ASAH2: variants seen among roughly 807,000 people sequenced by gnomAD.
ASAH2 encodes N-acylsphingosine amidohydrolase 2, also known as neutral ceramidase.
A neutral mutation model predicts 82.9 loss-of-function variants in ASAH2; 58 were observed. The observed-to-expected ratio is 0.70, with a 90% confidence interval of 0.57 to 0.87. ASAH2 has a LOEUF of 0.87. Among genes scored for constraint, ASAH2 ranks in the 40% least tolerant of loss-of-function variants. The pLI, the probability that ASAH2 is intolerant of heterozygous loss-of-function variation, is 0.00. For synonymous variants in ASAH2, 276 were observed against 289.7 expected, an observed-to-expected ratio of 0.95 and a Z score of 0.48; for missense variants, 779 against 834.0, an observed-to-expected ratio of 0.93 and a Z score of 0.81.
At chr10:50,213,579 A>G (rs1845518519) in intron 9 of ASAH2, among the ~76,000 whole-genome samples, 1 of 152,178 alleles carries the variant, frequency 6.6e-6, no homozygotes, top group Non-Finnish European at 1.5e-5. Flanking sequence ...GTGGAATCAA[A>G]AAATTACTAA....
intron 16 of ASAH2, among the ~76,000 whole-genome samples, chr10:50,201,701 A>G (rs1845153668): frequency 6.6e-6 from 1 of 152,136 alleles, no homozygotes; most frequent in Non-Finnish European, 1.5e-5. Context: ...TAATGTTTCT[A>G]AAGGTGTAAA....
At chr10:50,218,405 A>G in intron 8 of ASAH2, 105 bp downstream of exon 8, 3 of 1,494,886 alleles carry the variant, frequency 2.0e-6, no homozygotes, top group East Asian at 2.3e-5. Context: ...TGTGAGATTG[A>G]TGATGACACT....
intron 4 of ASAH2, chr10:50,240,536 C>A: frequency 1.4e-6 from 1 of 702,286 alleles, no homozygotes; most frequent in Non-Finnish European, 2.6e-6. Flanking sequence ...CAGAAGATTT[C>A]TCAGAGTCCA....
chr10:50,236,359 G>A (rs1846158797), intron 4 of ASAH2, among the ~76,000 whole-genome samples: 1 of 152,048 alleles, frequency 6.6e-6, no homozygotes, highest in Non-Finnish European at 1.5e-5. Context: ...AGAGTGAAAG[G>A]GGGGAAAGCC....
At chr10:50,202,781 C>T in intron 16 of ASAH2, 48 bp downstream of exon 16, 1 of 1,253,922 alleles carries the variant, frequency 8.0e-7, no homozygotes, top group Non-Finnish European at 1.2e-6. Context: ...ACACAATAGT[C>T]TTTACTGGGG....
At chr10:50,245,539 G>T in intron 2 of ASAH2, 85 bp from the exon 3 acceptor site, 1 of 1,205,536 alleles carries the variant, frequency 8.3e-7, no homozygotes, top group Non-Finnish European at 1.2e-6. Context: ...ATAGGCTCAG[G>T]TTCATAAGGA....
chr10:50,199,913 C>T (rs1412273925), intron 16 of ASAH2, among the ~76,000 whole-genome samples: 57 of 150,812 alleles, frequency 3.8e-4, no homozygotes, highest in Middle Eastern at 3.4e-3. Context: ...TCATTTCTCA[C>T]CCAGATCTCT....
intron 2 of ASAH2, among the ~76,000 whole-genome samples, chr10:50,246,011 A>G (rs1168350580): frequency 6.6e-6 from 1 of 152,170 alleles, no homozygotes; most frequent in Non-Finnish European, 1.5e-5. Context: ...AGATCACTGT[A>G]TACATGTTGA....
At chr10:50,218,450 C>T (rs1845665629) in intron 8 of ASAH2, 60 bp downstream of exon 8, 16 of 1,609,766 alleles carry the variant, frequency 9.9e-6, no homozygotes, top group Non-Finnish European at 1.3e-5. Context: ...CTTCTGAATG[C>T]AGCATGAATG....
intron 8 of ASAH2, among the ~76,000 whole-genome samples, chr10:50,218,195 G>A (rs907040364): frequency 3.3e-5 from 5 of 152,098 alleles, no homozygotes; most frequent in Admixed American, 2.0e-4. Context: ...AATATCAACA[G>A]TTTGTCATAT....
chr10:50,195,658 G>A lies in ASAH2; in HGVS notation c.2004+1115C>T, dbSNP rs1844956332. 6.6e-5 allele frequency among the ~76,000 whole-genome samples: 10 copies of A among 151,920 alleles called. No homozygotes were observed. The South Asian group carries it at 2.1e-3, about 32-fold the overall frequency. ...GAAACAACCTAAGTGTTCATCAATG[G>A]ATGAATGGATAAAGAAAATGTAGTA... On this transcript the variant is annotated intron_variant, in intron 18 of 20. Coordinates refer to ENST00000682911, the MANE Select transcript of ASAH2 (RefSeq NM_019893.4).
At chr10:50,239,861 A>T (rs1385991096) in intron 4 of ASAH2, among the ~76,000 whole-genome samples, 1 of 123,830 alleles carries the variant, frequency 8.1e-6, no homozygotes, top group Non-Finnish European at 1.6e-5. Flanking sequence ...TCAGAGTCTC[A>T]CTCTGTCACC....
At chr10:50,206,497 C>T (rs1845300181) in intron 12 of ASAH2, among the ~76,000 whole-genome samples, 1 of 149,522 alleles carries the variant, frequency 6.7e-6, no homozygotes, top group Non-Finnish European at 1.5e-5. Flanking sequence ...AGTTGTCTGA[C>T]TTATGGTCCC....
Position 50,211,151 on chromosome 10 carries a change from C to G in ASAH2, c.1228-17G>C. The G allele has an allele frequency of 6.3e-7, 1 of 1,575,744 alleles. No individual in the cohort carries two copies. Among genetic ancestry groups the G allele is most frequent in the Non-Finnish European group, 8.7e-7 (1 of 1,145,512 alleles). ...ATAGAGTTCCTAGAAAACACACAGG[C>G]TTATTATTCCAAGCAAAAAGGCTAA... On this transcript the variant is annotated splice_polypyrimidine_tract_variant and intron_variant, in intron 10 of 20. Transcript: ENST00000682911.
intron 1 of ASAH2, 74 bp from the exon 2 acceptor site, chr10:50,248,720 C>A: frequency 8.7e-7 from 1 of 1,147,142 alleles, no homozygotes. Context: ...TTAGCTCTTT[C>A]ATATTAATAG....
intron 14 of ASAH2, among the ~76,000 whole-genome samples, chr10:50,204,160 A>G (rs1358055990): frequency 6.6e-6 from 1 of 152,024 alleles, no homozygotes; most frequent in African/African-American, 2.4e-5. Flanking sequence ...GAATGAAATG[A>G]GAAGCTACTG....
chr10:50,218,833 T>C (rs1845675293), intron 7 of ASAH2, among the ~76,000 whole-genome samples: 1 of 152,216 alleles, frequency 6.6e-6, no homozygotes, highest in African/African-American at 2.4e-5. Context: ...TTTTCTTAAA[T>C]TAAAAATACA....
chr10:50,194,054 G>T (rs1236560542), intron 18 of ASAH2, among the ~76,000 whole-genome samples: 1 of 151,236 alleles, frequency 6.6e-6, no homozygotes, highest in Non-Finnish European at 1.5e-5. Flanking sequence ...GAAAAGCCAG[G>T]TCCATATGGC....
intron 19 of ASAH2, among the ~76,000 whole-genome samples, chr10:50,190,865 CA>C (rs1844860800): frequency 1.7e-5 from 1 of 59,074 alleles, no homozygotes; most frequent in Admixed American, 2.0e-4. Context: ...GGAATACTTG[CA>C]AATACTACCT....
Sources: gnomAD v4.1 joint callset for allele counts (sites outside exome capture counted in the v4.1 genomes callset) on GRCh38, gnomAD v4.1.1 for gene constraint, MANE v1.5 for transcripts, NCBI Gene and HGNC (gene_info 2026-07-23, HGNC 2026-07-21) for gene names.